Variants in PPFIBP1 observed in about 807,000 individuals in gnomAD.
PPFIBP1 encodes liprin-beta-1.
Under a neutral mutation model 137.8 loss-of-function variants are expected in PPFIBP1, and 112 were observed. The ratio of observed to expected loss-of-function variants is 0.81; its 90% CI spans 0.70 to 0.95. The LOEUF (loss-of-function observed/expected upper bound fraction) is 0.95. PPFIBP1 is among the 40% of genes least tolerant of loss of function. The pLI, the probability that PPFIBP1 is intolerant of heterozygous loss-of-function variation, is 0.00. For missense variants in PPFIBP1, 1,083 were observed against 1,196.6 expected, an observed-to-expected ratio of 0.91 and a Z score of 1.40; for synonymous variants, 378 against 417.3, an observed-to-expected ratio of 0.91 and a Z score of 1.15.
At chr12:27,568,119 G>A (rs1046692435) in intron 1 of PPFIBP1, among the ~76,000 whole-genome samples, 2 of 152,126 alleles carry the variant, frequency 1.3e-5, no homozygotes, top group African/African-American at 2.4e-5. Flanking sequence ...AGACTACATG[G>A]CATGGACCCA....
intron 3 of PPFIBP1, among the ~76,000 whole-genome samples, chr12:27,634,198 G>A (rs935529003): frequency 5.6e-5 from 8 of 143,650 alleles, no homozygotes; most frequent in African/African-American, 2.1e-4. Context: ...TCAAGCTGAA[G>A]TGTAGTGGCT....
rs200945345 is a variant in PPFIBP1, at chr12:27,672,461, A to C, written c.1297A>C (p.Thr433Pro). 6 of 1,609,166 alleles carry C rather than the reference A, an allele frequency of 3.7e-6. No homozygotes were observed. The African/African-American group carries it at 8.0e-5, about 21-fold the overall frequency. ...GNIILGATVD[T>P]QLCDKLLTSS... ...CATAATCCTTGGTGCCACTGTTGAT[A>C]CCCAACTGTGTGATAAACTTTTGTA... The change falls in exon 15 of 30, where the codon ACC becomes CCC. Residue 433 changes from threonine (T) to proline (P), a missense_variant. Thr to Pro is a conservative substitution (Grantham distance 38). Coordinates refer to ENST00000228425, the MANE Select transcript of PPFIBP1 (RefSeq NM_003622.4).
intron 2 of PPFIBP1, among the ~76,000 whole-genome samples, chr12:27,616,089 C>T (rs906470145): frequency 2.0e-5 from 3 of 151,728 alleles, no homozygotes. Context: ...TTCTTTTTTC[C>T]GTTCTCAATT....
intron 7 of PPFIBP1, chr12:27,654,407 A>C: frequency 5.3e-6 from 1 of 189,378 alleles, no homozygotes; most frequent in African/African-American, 2.3e-5. Flanking sequence ...AATAGCATAG[A>C]GTCATTTTTA....
intron 2 of PPFIBP1, among the ~76,000 whole-genome samples, chr12:27,590,303 G>A (rs1005982791): frequency 4.6e-5 from 7 of 152,066 alleles, no homozygotes; most frequent in African/African-American, 1.7e-4. Flanking sequence ...AGCCTCCCGA[G>A]TAGCTGGGAT....
intron 2 of PPFIBP1, among the ~76,000 whole-genome samples, chr12:27,595,561 T>G (rs577139194): frequency 6.8e-4 from 103 of 152,176 alleles, no homozygotes; most frequent in African/African-American, 2.4e-3. Context: ...TTCCAAAATA[T>G]TCTGTGCCCT....
At chr12:27,618,708 GC>G (rs1297960416) in intron 2 of PPFIBP1, among the ~76,000 whole-genome samples, 1 of 152,178 alleles carries the variant, frequency 6.6e-6, no homozygotes, top group African/African-American at 2.4e-5. Context: ...GCAAGTTGTA[GC>G]CTGACCACCT....
At chr12:27,617,498 CT>C (rs1171388462) in intron 2 of PPFIBP1, among the ~76,000 whole-genome samples, 1 of 152,110 alleles carries the variant, frequency 6.6e-6, no homozygotes, top group Non-Finnish European at 1.5e-5. Flanking sequence ...ACAATTGTCC[CT>C]TGGTATCCAT....
At chr12:27,559,127 C>T (rs547262713) in intron 1 of PPFIBP1, among the ~76,000 whole-genome samples, 1 of 151,916 alleles carries the variant, frequency 6.6e-6, no homozygotes, top group South Asian at 2.1e-4. Context: ...CTTAGCCTTC[C>T]AAAGTGCTGG....
rs1274488363 is a variant in PPFIBP1, at chr12:27,645,985, C to A, written c.271-77C>A. 3 of 1,101,780 alleles carry A rather than the reference C, an allele frequency of 2.7e-6. No homozygotes were observed. The East Asian group carries it at 7.5e-5, about 28-fold the overall frequency. The allele number at this position is 1,101,780 out of a possible 1,614,324, so 68.3% of individuals were successfully genotyped here. ...CAATTCAGGCCCCTTGGACTAAGAA[C>A]ACTTGTGATTTTCATTTATCTACGA... On this transcript the variant is annotated intron_variant, in intron 4 of 29. Transcript: ENST00000228425.
Position 27,691,894 on chromosome 12 carries a change from T to G in PPFIBP1, c.2831T>G (p.Leu944Arg). The G allele has an allele frequency of 6.2e-7, 1 of 1,613,134 alleles. No individual in the cohort carries two copies. The change falls in exon 28 of 30, where the codon CTG (leucine) becomes CGG (arginine). Residue 944 changes from leucine to arginine, a missense_variant. Coordinates refer to ENST00000228425, the MANE Select transcript of PPFIBP1 (RefSeq NM_003622.4). ...TTTAAACCTGGTTTGGATATGCGCC[T>G]GTATGAGGAAGATGATTTGGACCGG... ...KGFKPGLDMRLYEEDDLDRLE... is the reference protein window; with the variant it reads ...KGFKPGLDMRRYEEDDLDRLE...
At chr12:27,588,521 C>T (rs186811083) in intron 2 of PPFIBP1, among the ~76,000 whole-genome samples, 2 of 152,278 alleles carry the variant, frequency 1.3e-5, no homozygotes, top group Admixed American at 1.3e-4. Flanking sequence ...AAACAACTAT[C>T]CAAACACACA....
chr12:27,615,150 C>T lies in PPFIBP1; in HGVS notation c.-35-18212C>T, dbSNP rs552951777. ...TTGCCACTCTTTAGACCCCGAAAGCCTCAGCAGAGTGTATATCTCTTAAGA... is the reference window on the plus strand; with the variant it reads ...TTGCCACTCTTTAGACCCCGAAAGCTTCAGCAGAGTGTATATCTCTTAAGA... On this transcript the variant is annotated intron_variant, in intron 2 of 29. Coordinates refer to ENST00000228425, the MANE Select transcript of PPFIBP1 (RefSeq NM_003622.4). Among the ~76,000 whole-genome samples, 4 of 152,282 alleles carry T rather than the reference C, an allele frequency of 2.6e-5. No individual in the cohort carries two copies. The South Asian group carries it at 8.3e-4, about 32-fold the overall frequency.
At chr12:27,547,636 G>C (rs1946359041) in intron 1 of PPFIBP1, 1 of 152,364 alleles carries the variant, frequency 6.6e-6, no homozygotes, top group South Asian at 2.1e-4. Context: ...ATTGGGCAGA[G>C]GAGAAGCTGA....
intron 2 of PPFIBP1, among the ~76,000 whole-genome samples, chr12:27,581,996 G>GTGTGTGTA (rs1406140479): frequency 6.6e-6 from 1 of 151,908 alleles, no homozygotes; most frequent in Non-Finnish European, 1.5e-5. Context: ...GTGTGTGTGT[G>GTGTGTGTA]TGTATGGAGT....
chr12:27,689,152 T>C lies in PPFIBP1; in HGVS notation c.2634T>C (p.Asp878=). 4 of 1,599,090 alleles carry C rather than the reference T, an allele frequency of 2.5e-6. No individual in the cohort carries two copies. Among genetic ancestry groups the C allele is most frequent in the Non-Finnish European group, 2.6e-6 (3 of 1,176,108 alleles). ...IGAEAQHQKR[D]AMELPDYVLL... is the part of the protein sequence containing the mutation. ...CTGAGGCACAGCACCAGAAGCGAGA[T>C]GCCATGGAGCTGCCGGATTATGTAC... Residue 878 remains aspartate, a synonymous_variant, in exon 27 of 30, where the codon GAT becomes GAC. Transcript: ENST00000228425.
intron 1 of PPFIBP1, among the ~76,000 whole-genome samples, chr12:27,527,243 C>CTT (rs897324641): frequency 6.6e-6 from 1 of 151,834 alleles, no homozygotes; most frequent in African/African-American, 2.4e-5. Flanking sequence ...AGCACTCTGT[C>CTT]TTTTCTTTTT....
intron 1 of PPFIBP1, among the ~76,000 whole-genome samples, chr12:27,535,722 A>G (rs1324709452): frequency 6.6e-6 from 1 of 152,232 alleles, no homozygotes; most frequent in Non-Finnish European, 1.5e-5. Flanking sequence ...AAATGAAAAT[A>G]TAGAGCATTG....
chr12:27,674,667 A>G (rs2060391544), intron 17 of PPFIBP1, among the ~76,000 whole-genome samples: 1 of 152,128 alleles, frequency 6.6e-6, no homozygotes, highest in African/African-American at 2.4e-5. Context: ...TAATGTTCCT[A>G]ATGACCATAA....
Sources: gnomAD v4.1 joint callset for allele counts (sites outside exome capture counted in the v4.1 genomes callset) on GRCh38, gnomAD v4.1.1 for gene constraint, MANE v1.5 for transcripts, NCBI Gene and HGNC (gene_info 2026-07-23, HGNC 2026-07-21) for gene names.